The following SLC9A5 variants were observed in gnomAD, a reference collection of about 807,000 sequenced individuals.
The protein encoded by SLC9A5 is sodium/hydrogen exchanger 5.
Under a neutral mutation model 91.7 loss-of-function variants are expected in SLC9A5, and 52 were observed. The observed-to-expected ratio is 0.57, with a 90% CI of 0.45 to 0.71. SLC9A5 has a LOEUF of 0.71. Ranked by LOEUF, SLC9A5 falls within the 30% of genes least tolerant of loss-of-function variation. The probability of loss-of-function intolerance (pLI) is 0.00; values close to 1 mark genes in which losing one functional copy is unlikely to be tolerated. For missense variants in SLC9A5, 871 were observed against 1,158.9 expected (o/e 0.75, Z 3.61); for synonymous variants, 419 against 474.5 (o/e 0.88, Z 1.52).
chr16:67,255,185 G>A lies in SLC9A5; in HGVS notation c.654+1G>A. 1 of 1,612,850 alleles carries A rather than the reference G, an allele frequency of 6.2e-7. No individual in the cohort carries two copies. Among genetic ancestry groups the A allele is most frequent in the Non-Finnish European group, 8.5e-7 (1 of 1,179,146 alleles). ...CCTGCTCAACGATGCTGTCACCGTGGTGAGCGTGCTCAGCTGACTGCCATT... is the reference window on the plus strand; with the variant it reads ...CCTGCTCAACGATGCTGTCACCGTGATGAGCGTGCTCAGCTGACTGCCATT... On this transcript the variant is annotated splice_donor_variant, in intron 3 of 15. Coordinates refer to ENST00000299798, the MANE Select transcript of SLC9A5 (RefSeq NM_004594.3). LOFTEE classifies it high-confidence loss of function. The surrounding 1 kb of genome is among the most constrained non-coding windows in gnomAD (Gnocchi z 4.9).
chr16:67,266,368 AC>A, intron 15 of SLC9A5, 143 bp downstream of exon 15: 1 of 811,496 alleles, frequency 1.2e-6, no homozygotes, highest in Non-Finnish European at 1.9e-6. Context: ...TCTTCTTCAT[AC>A]CAGATGCCCG....
chr16:67,255,570 T>G lies in SLC9A5; in HGVS notation c.733+99T>G. On this transcript the variant is annotated intron_variant, in intron 4 of 15. Coordinates refer to ENST00000299798, the MANE Select transcript of SLC9A5 (RefSeq NM_004594.3). The surrounding 1 kb of genome is among the most constrained non-coding windows in gnomAD (Gnocchi z 4.9). ...ATCAGGACAGAAGAGGCTATTCGGG[T>G]TGCCTCATCTCCTCTATAGAGAAAT... The G allele has an allele frequency of 2.9e-6, 4 of 1,358,672 alleles. No homozygotes were observed. The highest frequency in any genetic ancestry group is 3.1e-6 in the Non-Finnish European group (3 of 956,768). The allele number at this position is 1,358,672 out of a possible 1,614,324, so 84.2% of individuals were successfully genotyped here.
At chr16:67,264,991 G>T in intron 13 of SLC9A5, 49 bp from the exon 14 acceptor site, 1 of 1,590,002 alleles carries the variant, frequency 6.3e-7, no homozygotes. Context: ...GACAGGGTTG[G>T]GGTGGGAAGC....
rs374718130 is a variant in SLC9A5 at position 67,257,495 on chromosome 16, G to A, written c.1426-36G>A. On this transcript the variant is annotated intron_variant, in intron 8 of 15. Coordinates refer to ENST00000299798, the MANE Select transcript of SLC9A5 (RefSeq NM_004594.3). This position sits in a 1 kb window ranked among gnomAD's most constrained non-coding sequence, Gnocchi z 5.1. ...TCGACCTTCTCCTATTTTGGGCAGA[G>A]TCCTGATCCAGTCCCCCTACCCACC... 2.1e-4 allele frequency: 346 copies of A among 1,613,742 alleles called. No individual in the cohort carries two copies. The highest frequency in any genetic ancestry group is 2.7e-4 in the Non-Finnish European group (314 of 1,179,770).
chr16:67,249,049 C>G lies in SLC9A5; in HGVS notation c.35C>G (p.Pro12Arg). ...LRAALSLLAL[P>R]LAGAAEEPTQ... ...GCCGCCCTGTCCCTGCTCGCGCTGC[C>G]CCTGGCGGGGGCGGCCGAAGAGCCC... is the stretch of plus-strand genomic sequence containing the variant. The change falls in exon 1 of 16, where the codon CCC (proline) becomes CGC (arginine). Residue 12 changes from proline to arginine, a missense_variant. By Grantham distance (103) the Pro-to-Arg change is moderately radical (BLOSUM62 -2). Transcript: ENST00000299798. The G allele has an allele frequency of 1.3e-6, 2 of 1,505,336 alleles. No individual in the cohort carries two copies. The highest frequency in any genetic ancestry group is 1.8e-6 in the Non-Finnish European group (2 of 1,133,600). 93.2% of individuals were successfully genotyped at this position (1,505,336 alleles called of 1,614,324 possible).
intron 2 of SLC9A5, 50 bp from the exon 3 acceptor site, chr16:67,254,971 G>C: frequency 6.4e-7 from 1 of 1,574,610 alleles, no homozygotes; most frequent in Non-Finnish European, 8.7e-7. Context: ...TGCTCCAGGA[G>C]ACTGGGTCGT....
At chr16:67,254,509 G>A (rs2035239011) in intron 2 of SLC9A5, among the ~76,000 whole-genome samples, 1 of 152,174 alleles carries the variant, frequency 6.6e-6, no homozygotes. Flanking sequence ...TGATTCTCCT[G>A]CCTCAGCCTC....
chr16:67,271,324 T>A lies in SLC9A5; in HGVS notation c.*114T>A. 1 of 934,492 alleles carries A rather than the reference T, an allele frequency of 1.1e-6. No individual in the cohort carries two copies. The highest frequency in any genetic ancestry group is 1.6e-6 in the Non-Finnish European group (1 of 616,736). 57.9% of individuals were successfully genotyped at this position (934,492 alleles called of 1,614,324 possible). A position where few individuals can be genotyped will look rare whatever the true frequency, so the allele number is the denominator to read the frequency against. ...GCCAGAAGGGCCTGGGTTGAAGTAG[T>A]AATTGGGCTTCCTTGGAGCTAGTCA... On this transcript the variant is annotated 3_prime_UTR_variant, in exon 16 of 16. Transcript: ENST00000299798.
intron 13 of SLC9A5, 77 bp downstream of exon 13, chr16:67,264,599 T>A: frequency 1.3e-6 from 2 of 1,489,596 alleles, no homozygotes; most frequent in South Asian, 2.3e-5. Flanking sequence ...AGTGTTAGGA[T>A]CCAGCTTAGG....
intron 12 of SLC9A5, among the ~76,000 whole-genome samples, chr16:67,260,885 G>A (rs1177341702): frequency 6.6e-6 from 1 of 152,210 alleles, no homozygotes; most frequent in Non-Finnish European, 1.5e-5. Flanking sequence ...TTTCTAAAAT[G>A]GGAAGCCAGC....
At position 67,257,557 on chromosome 16, in the gene SLC9A5, G is replaced by A; in HGVS notation, c.1452G>A (p.Val484=). The A allele has an allele frequency of 6.2e-7, 1 of 1,614,126 alleles. No individual in the cohort carries two copies. Residue 484 remains valine, a synonymous_variant, in exon 9 of 16, where the codon GTG becomes GTA. Transcript: ENST00000299798. The surrounding 1 kb of genome is among the most constrained non-coding windows in gnomAD (Gnocchi z 5.1). ...EHTFDHILAA[V]EDVVGHHGYH... is the part of the protein sequence containing the mutation. ...CTTTTGACCACATTCTGGCTGCAGT[G>A]GAGGACGTTGTGGGGCACCATGGCT...
chr16:67,259,652 C>A lies in SLC9A5; in HGVS notation c.1706C>A (p.Thr569Asn). ...AATTCTGTGGCAGAAACTTCTGTCA[C>A]CAACCTGCTGTGAGTCCTTGAGCCC... ...SRNSVAETSV[T>N]NLLRESGSGA... The change falls in exon 11 of 16, where the codon ACC (threonine) becomes AAC (asparagine). Residue 569 changes from threonine to asparagine, a missense_variant. By Grantham distance (65) the Thr-to-Asn change is moderately conservative. This residue lies in a region of SLC9A5 where 454 missense variants were observed against 718.3 expected (regional missense o/e 0.63). Coordinates refer to ENST00000299798, the MANE Select transcript of SLC9A5 (RefSeq NM_004594.3). 1 of 1,614,080 alleles carries A rather than the reference C, an allele frequency of 6.2e-7. No individual in the cohort carries two copies. The highest frequency in any genetic ancestry group is 8.5e-7 in the Non-Finnish European group (1 of 1,179,970).
At chr16:67,269,859 G>A (rs973536814) in intron 15 of SLC9A5, among the ~76,000 whole-genome samples, 1 of 152,118 alleles carries the variant, frequency 6.6e-6, no homozygotes, top group African/African-American at 2.4e-5. Context: ...GCAGTTCTGG[G>A]ATTCTTAGCT....
Position 67,255,785 on chromosome 16 carries a change from G to A in SLC9A5, c.766G>A (p.Ala256Thr), listed in dbSNP as rs1402352962. The change falls in exon 5 of 16, where the codon GCC becomes ACC. Residue 256 changes from alanine (A) to threonine (T), a missense_variant. Transcript: ENST00000299798. The surrounding 1 kb of genome is among the most constrained non-coding windows in gnomAD (Gnocchi z 4.9). ...GTTTGTGGTCAGTCTGGGCGGGGCA[G>A]CCGTGGGCTTAGTCTTTGCCTTCCT... ...SLFVVSLGGA[A>T]VGLVFAFLLA... The A allele has an allele frequency of 6.3e-7, 1 of 1,592,836 alleles. No homozygotes were observed. The highest frequency in any genetic ancestry group is 1.3e-5 in the African/African-American group (1 of 74,770).
chr16:67,254,841 A>G (rs1202122219), intron 2 of SLC9A5, among the ~76,000 whole-genome samples, 180 bp from the exon 3 acceptor site: 2 of 152,226 alleles, frequency 1.3e-5, no homozygotes, highest in East Asian at 3.8e-4. Flanking sequence ...GACCTTAGGC[A>G]TAGGTAGCTT....
At chr16:67,249,851 C>A (rs1188842049) in intron 1 of SLC9A5, among the ~76,000 whole-genome samples, 1 of 152,212 alleles carries the variant, frequency 6.6e-6, no homozygotes, top group Non-Finnish European at 1.5e-5. Context: ...ACCCTAGATG[C>A]TTTCATACAT....
rs202115455 is a variant in SLC9A5, at chr16:67,270,965, C to T, written c.2446C>T (p.Pro816Ser). ...CNQAPILTCL[P>S]PHPRGTEEPQ... ...CCAGGCCCCAATTCTGACCTGCCTG[C>T]CTCCCCATCCACGGGGCACTGAAGA... Residue 816 changes from proline (P) to serine (S), a missense_variant, in exon 16 of 16, where the codon CCT becomes TCT. Pro to Ser is a moderately conservative substitution (Grantham distance 74). Coordinates refer to ENST00000299798, the MANE Select transcript of SLC9A5 (RefSeq NM_004594.3). This position sits in a 1 kb window ranked among gnomAD's most constrained non-coding sequence, Gnocchi z 4.3. 6.2e-7 allele frequency: 1 copy of T among 1,613,982 alleles called. No individual in the cohort carries two copies. Among genetic ancestry groups the T allele is most frequent in the South Asian group, 1.1e-5 (1 of 91,076 alleles).
chr16:67,257,364 T>A lies in SLC9A5; in HGVS notation c.1355T>A (p.Leu452Gln). 6.2e-7 allele frequency: 1 copy of A among 1,614,166 alleles called. No individual in the cohort carries two copies. The highest frequency in any genetic ancestry group is 8.5e-7 in the Non-Finnish European group (1 of 1,179,982). ...CCATAGGGCTTGACCATCAAGCCAC[T>A]GGTCAAATGGCTGAAGGTGAAGAGG... is the stretch of plus-strand genomic sequence containing the variant. ...VIVQGLTIKPLVKWLKVKRSE... is the reference protein window; with the variant it reads ...VIVQGLTIKPQVKWLKVKRSE... Residue 452 changes from leucine (L) to glutamine (Q), a missense_variant, in exon 8 of 16, where the codon CTG (leucine) becomes CAG (glutamine). Leu to Gln is a moderately radical substitution (Grantham distance 113, BLOSUM62 -2). Transcript: ENST00000299798. This position sits in a 1 kb window ranked among gnomAD's most constrained non-coding sequence, Gnocchi z 5.1.
intron 1 of SLC9A5, among the ~76,000 whole-genome samples, chr16:67,250,526 C>A (rs2035075850): frequency 6.6e-6 from 1 of 152,114 alleles, no homozygotes; most frequent in Non-Finnish European, 1.5e-5. Context: ...GGGTTTATAG[C>A]AAAAACTGTA....
Sources: allele counts gnomAD v4.1 joint callset (sites outside exome capture counted in the v4.1 genomes callset), GRCh38; gene constraint gnomAD v4.1.1; regional missense constraint gnomAD v4.1.1; non-coding constraint Gnocchi (gnomAD v3.1); transcripts MANE v1.5; gene names NCBI Gene and HGNC (gene_info 2026-07-23, HGNC 2026-07-21).